Variants in VWF observed in about 807,000 individuals in gnomAD.
The protein encoded by VWF is von Willebrand factor.
VWF carries 176 observed loss-of-function variants against 308.6 expected under a neutral mutation model. The ratio of observed to expected loss-of-function variants is 0.57; its 90% CI spans 0.50 to 0.65. The LOEUF is 0.65. VWF is among the 30% of genes least tolerant of loss of function. The pLI is 0.00. For missense variants in VWF, 3,146 were observed against 3,648.2 expected, an observed-to-expected ratio of 0.86 and a Z score of 3.55; for synonymous variants, 1,385 against 1,443.4, an observed-to-expected ratio of 0.96 and a Z score of 0.92.
In VWF at chr12:5,949,860, T is replaced by C. The variant is rs1161230702; in HGVS notation, c.8179A>G (p.Ile2727Val). The C allele has an allele frequency of 1.9e-6, 3 of 1,613,678 alleles. No homozygotes were observed. Among genetic ancestry groups the C allele is most frequent in the Admixed American group, 3.3e-5 (2 of 59,994 alleles). ...DTCEEPECND[I>V]TARLQYVKVG... ...TTGACATACTGCAGCCTGGCAGTGA[T>C]GTCGTTGCACTCAGGCTCCTCACCT... The change falls in exon 51 of 52, where the codon ATC (isoleucine) becomes GTC (valine). Residue 2727 changes from isoleucine to valine, a missense_variant. Physicochemically the swap from Ile to Val is conservative, Grantham distance 29 (BLOSUM62 3). Around this residue, in one of 3 missense-constraint regions of VWF, gnomAD observed 989 missense variants for 1,117.4 expected, o/e 0.89. Transcript: ENST00000261405.
intron 1 of VWF, among the ~76,000 whole-genome samples, chr12:6,123,449 A>G (rs1945453384): frequency 6.6e-6 from 1 of 152,156 alleles, no homozygotes; most frequent in Non-Finnish European, 1.5e-5. Context: ...CAGCAGTCCC[A>G]GGCCCAAGAC....
At position 6,088,206 on chromosome 12, in the gene VWF, C is replaced by T. The variant is rs1174713306; in HGVS notation, c.657+7254G>A. On this transcript the variant is annotated intron_variant, in intron 6 of 51. Transcript: ENST00000261405. ...AGAAAGGGGTGCCTTTGGCCGGGCG[C>T]GGTGGCTCACGCCTGTAATCCCAAC... Among the ~76,000 whole-genome samples, 9 of 150,106 alleles carry T rather than the reference C, an allele frequency of 6.0e-5. No individual in the cohort carries two copies. The South Asian group carries it at 6.4e-4, about 11-fold the overall frequency.
intron 15 of VWF, 140 bp from the exon 16 acceptor site, chr12:6,052,923 G>T: frequency 7.7e-7 from 1 of 1,293,038 alleles, no homozygotes; most frequent in Non-Finnish European, 1.0e-6. Flanking sequence ...AGACTTGCTT[G>T]CAATTACAAG....
At chr12:6,119,584 G>T (rs1945408211) in intron 3 of VWF, among the ~76,000 whole-genome samples, 1 of 152,208 alleles carries the variant, frequency 6.6e-6, no homozygotes, top group Non-Finnish European at 1.5e-5. Flanking sequence ...GGTGGCTCAT[G>T]CCTGTAATCC....
chr12:6,121,161 G>T lies in VWF; in HGVS notation c.220+13C>A. 6.2e-7 allele frequency: 1 copy of T among 1,614,078 alleles called. No individual in the cohort carries two copies. Among genetic ancestry groups the T allele is most frequent in the South Asian group, 1.1e-5 (1 of 91,074 alleles). On this transcript the variant is annotated intron_variant, in intron 3 of 51. Transcript: ENST00000261405. The stretch of plus-strand genomic sequence containing the variant: ...CTCCCTCTGAAGTCCTCCCTGCAGT[G>T]CCCAGAACTCACCAATAATCGAGAA...
At chr12:5,957,580 A>C (rs897866499) in intron 47 of VWF, among the ~76,000 whole-genome samples, 1 of 150,802 alleles carries the variant, frequency 6.6e-6, no homozygotes, top group Admixed American at 6.6e-5. Context: ...ACTGGTCATC[A>C]GAAATAACAC....
At position 6,046,726 on chromosome 12, in the gene VWF, G is replaced by A. The variant is rs61748466; in HGVS notation, c.2278C>T (p.Arg760Cys). 10 of 1,614,050 alleles carry A rather than the reference G, an allele frequency of 6.2e-6. No homozygotes were observed. The highest frequency in any genetic ancestry group is 3.3e-5 in the Admixed American group (2 of 60,034). Reference sequence around the variant, plus strand: ...CTTCCAGGGGGACAGTACTCACTGCGATGAGACAGGGGACTGCTGAGGACA... The same window carrying A: ...CTTCCAGGGGGACAGTACTCACTGCAATGAGACAGGGGACTGCTGAGGACA... ...DAVLSSPLSH[R>C]SKRSLSCRPP... is the part of the protein sequence containing the mutation. Residue 760 changes from arginine (R) to cysteine (C), a missense_variant, in exon 17 of 52, where the codon CGC becomes TGC. By Grantham distance (180) the Arg-to-Cys change is radical. Transcript: ENST00000261405. The surrounding 1 kb of genome is among the most constrained non-coding windows in gnomAD (Gnocchi z 5.0).
At position 6,029,362 on chromosome 12, in the gene VWF, C is replaced by T. The variant is rs1346125089; in HGVS notation, c.2947G>A (p.Val983Ile). 1.2e-6 allele frequency: 2 copies of T among 1,614,158 alleles called. No individual in the cohort carries two copies. The highest frequency in any genetic ancestry group is 2.2e-5 in the South Asian group (2 of 91,078). Residue 983 changes from valine to isoleucine, a missense_variant, in exon 22 of 52, where the codon GTC (valine) becomes ATC (isoleucine). Val to Ile is a conservative substitution (Grantham distance 29). Coordinates refer to ENST00000261405, the MANE Select transcript of VWF (RefSeq NM_000552.5). ...CTGACCTGGTATGTCTGCTTCAGGA[C>T]CACGGAGATGCTCAGGTGGCGGTCC... The part of the protein sequence containing the change: ...VWDRHLSISV[V>I]LKQTYQEKVC...
At chr12:6,045,040 T>C (rs216295) in intron 17 of VWF, among the ~76,000 whole-genome samples, 133,055 of 152,170 alleles carry the variant, frequency 0.87, 58,351 homozygotes, top group Middle Eastern at 0.91. Flanking sequence ...CACCATCTGA[T>C]ATACTACACA....
chr12:6,026,169 G>A (rs538296524), intron 22 of VWF, 123 bp from the exon 23 acceptor site: 21 of 1,428,590 alleles, frequency 1.5e-5, no homozygotes, highest in East Asian at 9.1e-5. Context: ...AGGAGGAGGA[G>A]CGGGACAGAG....
chr12:5,963,953 A>T (rs1221089114), intron 47 of VWF, among the ~76,000 whole-genome samples: 2 of 152,224 alleles, frequency 1.3e-5, no homozygotes, highest in Non-Finnish European at 2.9e-5. Flanking sequence ...CACGCCTGTA[A>T]TCCCAGCACT....
At chr12:6,025,193 G>C (rs1192873899) in intron 24 of VWF, among the ~76,000 whole-genome samples, 5 of 152,216 alleles carry the variant, frequency 3.3e-5, no homozygotes, top group Admixed American at 1.3e-4. Context: ...GGGGTTTTAG[G>C]GGGTGGGAGA....
In VWF at chr12:6,036,496, G is replaced by C. The variant is rs1277616802; in HGVS notation, c.2443-5C>G. The C allele has an allele frequency of 1.2e-6, 2 of 1,614,002 alleles. No individual in the cohort carries two copies. Among genetic ancestry groups the C allele is most frequent in the African/African-American group, 1.3e-5 (1 of 74,928 alleles). On this transcript the variant is annotated splice_polypyrimidine_tract_variant and splice_region_variant and intron_variant, in intron 18 of 51. Transcript: ENST00000261405. ...ACATCTGTTCTCATGCCGGACCTAA[G>C]AGAAAAGAATCCAAAAGTCCTCAGG... is the stretch of plus-strand genomic sequence containing the variant.
At chr12:5,957,424 A>G (rs181089200) in intron 47 of VWF, among the ~76,000 whole-genome samples, 57 of 152,326 alleles carry the variant, frequency 3.7e-4, no homozygotes, top group African/African-American at 1.3e-3. Flanking sequence ...CAAATCCAGG[A>G]AACTATGAAT....
At chr12:6,052,933 G>T in intron 15 of VWF, 150 bp from the exon 16 acceptor site, 1 of 1,247,924 alleles carries the variant, frequency 8.0e-7, no homozygotes, top group Non-Finnish European at 1.1e-6. Context: ...GCAATTACAA[G>T]AAGTAATGCA....
intron 28 of VWF, among the ~76,000 whole-genome samples, chr12:6,017,220 C>A (rs1018830403): frequency 2.6e-5 from 4 of 152,170 alleles, no homozygotes; most frequent in Non-Finnish European, 5.9e-5. Context: ...CCTGGCAATA[C>A]AAGGAGACTG....
intron 6 of VWF, among the ~76,000 whole-genome samples, chr12:6,094,199 C>T (rs1945079692): frequency 6.6e-6 from 1 of 152,202 alleles, no homozygotes; most frequent in East Asian, 1.9e-4. Context: ...GCCTCCAGAA[C>T]TGGGAGAAAA....
Position 6,019,811 on chromosome 12 carries a change from T to C in VWF, c.3675-68A>G. The C allele has an allele frequency of 6.6e-7, 1 of 1,516,748 alleles. No individual in the cohort carries two copies. Among genetic ancestry groups the C allele is most frequent in the Non-Finnish European group, 8.9e-7 (1 of 1,121,758 alleles). The allele number at this position is 1,516,748 out of a possible 1,614,324, so 94.0% of individuals were successfully genotyped here. A position where few individuals can be genotyped will look rare whatever the true frequency, so the allele number is the denominator to read the frequency against. ...CTGTGGACACTTCTGAGCCCTACAG[T>C]GTACAATGACTTCCATATTCCCACA... On this transcript the variant is annotated intron_variant, in intron 27 of 51. Transcript: ENST00000261405. This position sits in a 1 kb window ranked among gnomAD's most constrained non-coding sequence, Gnocchi z 5.8.
At chr12:6,068,866 G>GTGTGTGTGTGTGTGTGTA in intron 10 of VWF, among the ~76,000 whole-genome samples, 1 of 128,448 alleles carries the variant, frequency 7.8e-6, no homozygotes, top group Non-Finnish European at 1.6e-5. Flanking sequence ...GTGTGTGTGT[G>GTGTGTGTGTGTGTGTGTA]TATGTGTGTG....
Sources: gnomAD v4.1 joint callset for allele counts (sites outside exome capture counted in the v4.1 genomes callset) on GRCh38, gnomAD v4.1.1 for gene constraint, gnomAD v4.1.1 regional missense constraint, Gnocchi (gnomAD v3.1) non-coding constraint, MANE v1.5 for transcripts, NCBI Gene and HGNC (gene_info 2026-07-23, HGNC 2026-07-21) for gene names.